NEK11: variants seen among roughly 807,000 people sequenced by gnomAD.
NEK11 encodes NIMA related kinase 11, also known as serine/threonine-protein kinase Nek11.
A neutral mutation model predicts 80.7 loss-of-function variants in NEK11; 72 were observed. The ratio of observed to expected loss-of-function variants is 0.89; its 90% CI spans 0.74 to 1.08. NEK11 has a LOEUF of 1.08. NEK11 is among the 50% of genes least tolerant of loss of function. The pLI is 0.00. For missense variants in NEK11, 764 were observed against 763.6 expected (o/e 1.00, Z -0.01); for synonymous variants, 251 against 260.7 (o/e 0.96, Z 0.36).
intron 16 of NEK11, among the ~76,000 whole-genome samples, chr3:131,259,468 T>A (rs1445177875): frequency 6.6e-6 from 1 of 152,174 alleles, no homozygotes; most frequent in Non-Finnish European, 1.5e-5. Context: ...GCCCTCAACC[T>A]TATCCACTTC....
chr3:131,239,252 G>A (rs533026482), intron 15 of NEK11, among the ~76,000 whole-genome samples: 18 of 152,264 alleles, frequency 1.2e-4, no homozygotes, highest in African/African-American at 3.8e-4. Context: ...AAATCAGCCC[G>A]TTTATACCCT....
chr3:131,288,795 A>G (rs1364605752), intron 17 of NEK11, among the ~76,000 whole-genome samples: 1 of 152,014 alleles, frequency 6.6e-6, no homozygotes, highest in Admixed American at 6.6e-5. Flanking sequence ...TTAGATTATG[A>G]CTTTCCTGAC....
chr3:131,225,977 A>C (rs1486731563), intron 14 of NEK11, among the ~76,000 whole-genome samples: 3 of 152,232 alleles, frequency 2.0e-5, no homozygotes, highest in African/African-American at 7.2e-5. Flanking sequence ...AAGGGAGTGG[A>C]CAAGGAGGAA....
intron 5 of NEK11, among the ~76,000 whole-genome samples, chr3:131,123,248 C>A (rs1367796276): frequency 6.6e-6 from 1 of 152,114 alleles, no homozygotes; most frequent in Admixed American, 6.5e-5. Context: ...CTCACTGTAA[C>A]CTCTGCTTCC....
At chr3:131,097,451 A>G (rs1018110534) in intron 4 of NEK11, among the ~76,000 whole-genome samples, 3 of 151,878 alleles carry the variant, frequency 2.0e-5, no homozygotes, top group African/African-American at 7.3e-5. Flanking sequence ...ATGGTATCTC[A>G]TTGTGGTTTT....
intron 3 of NEK11, among the ~76,000 whole-genome samples, chr3:131,033,437 A>T (rs777929041): frequency 2.0e-5 from 3 of 152,128 alleles, no homozygotes; most frequent in Non-Finnish European, 4.4e-5. Context: ...TGTTTTGCAG[A>T]TACACCCTTA....
chr3:131,191,379 G>A (rs1474750172), intron 14 of NEK11, among the ~76,000 whole-genome samples: 2 of 152,088 alleles, frequency 1.3e-5, no homozygotes, highest in Non-Finnish European at 2.9e-5. Context: ...TGCATTCCTG[G>A]TTTGTGCCCT....
intron 17 of NEK11, among the ~76,000 whole-genome samples, chr3:131,276,600 T>C (rs2096295695): frequency 6.6e-6 from 1 of 152,060 alleles, no homozygotes; most frequent in African/African-American, 2.4e-5. Flanking sequence ...TTTTTCTTTA[T>C]ATCTATCTAT....
chr3:131,161,403 T>G (rs1266436890), intron 10 of NEK11, among the ~76,000 whole-genome samples: 4 of 152,104 alleles, frequency 2.6e-5, no homozygotes, highest in African/African-American at 9.7e-5. Flanking sequence ...TGCAGCATTG[T>G]TCACAATAGC....
chr3:131,045,207 A>G (rs910920099), intron 3 of NEK11, among the ~76,000 whole-genome samples: 5 of 152,190 alleles, frequency 3.3e-5, no homozygotes, highest in African/African-American at 1.2e-4. Flanking sequence ...GTGCCCTTTT[A>G]GACTTTTTGA....
At chr3:131,204,776 T>G (rs1453324179) in intron 14 of NEK11, among the ~76,000 whole-genome samples, 8 of 152,160 alleles carry the variant, frequency 5.3e-5, no homozygotes, top group African/African-American at 1.9e-4. Context: ...GACTTAGCAT[T>G]GCTGTTTATG....
rs11914790 is a variant in NEK11, at chr3:131,288,773, T to C, written c.1718+15199T>C. On this transcript the variant is annotated intron_variant, in intron 17 of 17. Transcript: ENST00000383366. The stretch of plus-strand genomic sequence containing the variant: ...CGCCTATATGGTATGCATTTCTGTG[T>C]TAATCTTACTCTTAGATTATGACTT... 5.0e-3 allele frequency among the ~76,000 whole-genome samples: 769 copies of C among 152,284 alleles called. 7 individuals are homozygous for C. Among genetic ancestry groups the C allele is most frequent in the African/African-American group, 0.017 (716 of 41,566 alleles).
chr3:131,293,304 T>G (rs2096561939), intron 17 of NEK11, among the ~76,000 whole-genome samples: 1 of 152,060 alleles, frequency 6.6e-6, no homozygotes, highest in Non-Finnish European at 1.5e-5. Context: ...GAATGGGTGT[T>G]GTATTTTGTC....
intron 14 of NEK11, among the ~76,000 whole-genome samples, chr3:131,218,368 C>T (rs1454312514): frequency 1.3e-5 from 2 of 152,144 alleles, no homozygotes; most frequent in African/African-American, 2.4e-5. Context: ...AGTCTGCTCA[C>T]ACAGGGAGCT....
chr3:131,273,632 G>C, intron 17 of NEK11, 58 bp downstream of exon 17: 2 of 1,276,222 alleles, frequency 1.6e-6, no homozygotes, highest in Non-Finnish European at 2.3e-6. Context: ...TATTGACCAA[G>C]TGTGTGACCC....
intron 15 of NEK11, among the ~76,000 whole-genome samples, chr3:131,234,948 C>T (rs906253826): frequency 4.2e-4 from 64 of 151,768 alleles, no homozygotes; most frequent in African/African-American, 1.5e-3. Flanking sequence ...GGTTTAGGAT[C>T]ACACCTACAT....
At chr3:131,174,331 A>C (rs958560995) in intron 14 of NEK11, among the ~76,000 whole-genome samples, 1 of 152,202 alleles carries the variant, frequency 6.6e-6, no homozygotes, top group Non-Finnish European at 1.5e-5. Flanking sequence ...TGAAGTGGTT[A>C]ATTATTTTTT....
intron 7 of NEK11, 196 bp downstream of exon 7, chr3:131,134,152 A>G: frequency 2.2e-6 from 1 of 445,602 alleles, no homozygotes; most frequent in South Asian, 9.8e-5. Context: ...AATTCTTTTT[A>G]TTCAGTGATA....
chr3:131,186,805 A>G (rs754303839), intron 14 of NEK11, among the ~76,000 whole-genome samples: 2 of 152,166 alleles, frequency 1.3e-5, no homozygotes, highest in African/African-American at 4.8e-5. Context: ...GACTTTTGCA[A>G]TGGAAATATT....
Sources: gnomAD v4.1 joint callset for allele counts (sites outside exome capture counted in the v4.1 genomes callset) on GRCh38, gnomAD v4.1.1 for gene constraint, MANE v1.5 for transcripts, NCBI Gene and HGNC (gene_info 2026-07-23, HGNC 2026-07-21) for gene names.